PARD3: variants seen among roughly 807,000 people sequenced by gnomAD.
The protein encoded by PARD3 is par-3 family cell polarity regulator, also known as partitioning defective 3 homolog.
PARD3 carries 75 observed loss-of-function variants against 155.4 expected under a neutral mutation model. That is an observed-to-expected ratio of 0.48 (90% CI 0.40 to 0.58). PARD3 has a LOEUF of 0.58. Among genes scored for constraint, PARD3 ranks in the 20% least tolerant of loss-of-function variants. PARD3 has a pLI of 0.00. For missense variants in PARD3, 1,642 were observed against 1,721.7 expected (o/e 0.95, Z 0.82); for synonymous variants, 576 against 610.5 (o/e 0.94, Z 0.83).
At chr10:34,749,895 G>A (rs756209544) in intron 1 of PARD3, among the ~76,000 whole-genome samples, 4 of 152,014 alleles carry the variant, frequency 2.6e-5, no homozygotes, top group South Asian at 2.1e-4. Context: ...GGTGGTGTGC[G>A]CCTGTGGTCC....
At position 34,802,524 on chromosome 10, in the gene PARD3, A is replaced by C. The variant is rs111317384; in HGVS notation, c.120+12352T>G. On this transcript the variant is annotated intron_variant, in intron 1 of 24. Coordinates refer to ENST00000374788, the MANE Select transcript of PARD3 (RefSeq NM_001184785.2). Reference sequence around the variant, plus strand: ...CAAAGATGACAATCCCAAATTACAGACAGGAAAACAGACTTACAGAGCTTG... The same window carrying C: ...CAAAGATGACAATCCCAAATTACAGCCAGGAAAACAGACTTACAGAGCTTG... Among the ~76,000 whole-genome samples, 1,163 of 152,318 alleles carry C rather than the reference A, an allele frequency of 7.6e-3. 16 individuals carry two copies. Among genetic ancestry groups the C allele is most frequent in the African/African-American group, 0.026 (1,083 of 41,570 alleles).
intron 22 of PARD3, among the ~76,000 whole-genome samples, chr10:34,242,921 C>G (rs1419840669): frequency 6.6e-6 from 1 of 152,142 alleles, no homozygotes; most frequent in Non-Finnish European, 1.5e-5. Context: ...GGCAACAGAC[C>G]AAGACTTCAT....
chr10:34,755,728 T>C (rs929036343), intron 1 of PARD3, among the ~76,000 whole-genome samples: 2 of 151,940 alleles, frequency 1.3e-5, no homozygotes, highest in African/African-American at 2.4e-5. Context: ...AGATGAGGAA[T>C]GGGAAAAAGA....
chr10:34,482,006 C>T lies in PARD3; in HGVS notation c.404-11743G>A, dbSNP rs966628112. On this transcript the variant is annotated intron_variant, in intron 3 of 24. Transcript: ENST00000374788. ...CCCACCATGCTCAGCTACAGGCACA[C>T]ACCACTGTGCCCTGCTAATTTTTAT... Among the ~76,000 whole-genome samples the T allele has an allele frequency of 2.7e-5, 4 of 146,940 alleles. No individual in the cohort carries two copies. In the South Asian group the frequency reaches 6.5e-4, roughly 24 times the overall value.
chr10:34,341,236 C>T (rs1485342556), intron 16 of PARD3, among the ~76,000 whole-genome samples: 2 of 147,834 alleles, frequency 1.4e-5, no homozygotes, highest in African/African-American at 2.5e-5. Context: ...TCTTAGAACA[C>T]ATCAACTCTT....
intron 2 of PARD3, among the ~76,000 whole-genome samples, chr10:34,615,142 C>T (rs1017117171): frequency 7.2e-5 from 11 of 152,230 alleles, no homozygotes; most frequent in African/African-American, 2.4e-4. Context: ...GATGGCGCCA[C>T]TTCACTCCAG....
intron 22 of PARD3, among the ~76,000 whole-genome samples, chr10:34,141,765 T>TGCAA (rs914590085): frequency 1.3e-5 from 2 of 152,146 alleles, no homozygotes; most frequent in Admixed American, 6.6e-5. Context: ...ACAGAGAACA[T>TGCAA]GCAAGCGCAA....
intron 3 of PARD3, among the ~76,000 whole-genome samples, chr10:34,506,547 C>T (rs896485508): frequency 4.6e-5 from 7 of 152,240 alleles, no homozygotes; most frequent in African/African-American, 1.4e-4. Context: ...GCAACGCAAG[C>T]AGATATAAAT....
chr10:34,131,436 C>T, intron 23 of PARD3, 27 bp downstream of exon 23: 1 of 1,613,444 alleles, frequency 6.2e-7, no homozygotes, highest in African/African-American at 1.3e-5. Context: ...TAGGACCATT[C>T]ACCGTGCTGA....
intron 10 of PARD3, 151 bp from the exon 11 acceptor site, chr10:34,375,153 T>G: frequency 1.6e-6 from 1 of 627,824 alleles, no homozygotes; most frequent in South Asian, 2.2e-5. Context: ...AATTCTGCCA[T>G]GATCTGGGAA....
intron 2 of PARD3, among the ~76,000 whole-genome samples, chr10:34,530,921 T>G (rs574004992): frequency 6.6e-5 from 10 of 152,194 alleles, no homozygotes; most frequent in Non-Finnish European, 1.3e-4. Context: ...TTGGTCAATA[T>G]CAAAAGAACT....
At chr10:34,525,072 A>C (rs907668479) in intron 2 of PARD3, among the ~76,000 whole-genome samples, 1 of 152,238 alleles carries the variant, frequency 6.6e-6, no homozygotes, top group African/African-American at 2.4e-5. Context: ...ATGGTTCATT[A>C]AAAACTCATT....
intron 22 of PARD3, among the ~76,000 whole-genome samples, chr10:34,250,533 A>C (rs1954244045): frequency 6.6e-6 from 1 of 152,098 alleles, no homozygotes; most frequent in African/African-American, 2.4e-5. Flanking sequence ...GTATACAGAG[A>C]CTTCATTTTA....
intron 3 of PARD3, among the ~76,000 whole-genome samples, chr10:34,484,801 C>T (rs756681591): frequency 6.6e-6 from 1 of 152,174 alleles, no homozygotes; most frequent in Non-Finnish European, 1.5e-5. Context: ...AAAATAACTG[C>T]TAAATTTTAC....
chr10:34,550,799 T>C (rs1452905227), intron 2 of PARD3, among the ~76,000 whole-genome samples: 1 of 152,208 alleles, frequency 6.6e-6, no homozygotes, highest in Non-Finnish European at 1.5e-5. Flanking sequence ...AGACTTCACT[T>C]CAAAAACAGA....
chr10:34,279,260 T>C (rs1198951611), intron 21 of PARD3, among the ~76,000 whole-genome samples: 3 of 151,382 alleles, frequency 2.0e-5, no homozygotes, highest in Non-Finnish European at 4.4e-5. Flanking sequence ...AGTGATGCTC[T>C]TGCTAAAGTG....
At chr10:34,793,699 T>C (rs1303554596) in intron 1 of PARD3, among the ~76,000 whole-genome samples, 1 of 151,818 alleles carries the variant, frequency 6.6e-6, no homozygotes, top group East Asian at 1.9e-4. Flanking sequence ...GGCAGGAGAA[T>C]TGCTTGAACC....
chr10:34,204,092 T>C (rs1420030672), intron 22 of PARD3, among the ~76,000 whole-genome samples: 1 of 152,140 alleles, frequency 6.6e-6, no homozygotes, highest in Non-Finnish European at 1.5e-5. Flanking sequence ...ACTTAGCAAA[T>C]GGAAGGTATG....
chr10:34,582,622 A>G (rs1480284615), intron 2 of PARD3, among the ~76,000 whole-genome samples: 1 of 152,202 alleles, frequency 6.6e-6, no homozygotes, highest in Non-Finnish European at 1.5e-5. Flanking sequence ...ACAGCCCCCA[A>G]AGCCATGAAC....
Sources: allele counts gnomAD v4.1 joint callset (sites outside exome capture counted in the v4.1 genomes callset), GRCh38; gene constraint gnomAD v4.1.1; transcripts MANE v1.5; gene names NCBI Gene and HGNC (gene_info 2026-07-23, HGNC 2026-07-21).